The following RAB11FIP2 variants were observed in gnomAD, a reference collection of about 807,000 sequenced individuals.
The protein encoded by RAB11FIP2 is rab11 family-interacting protein 2.
A neutral mutation model predicts 40.9 loss-of-function variants in RAB11FIP2; 16 were observed. That is an observed-to-expected ratio of 0.39 (90% CI 0.26 to 0.59). The LOEUF (loss-of-function observed/expected upper bound fraction) is 0.59, where lower values mean the gene tolerates loss of function less well. Ranked by LOEUF, RAB11FIP2 falls within the 20% of genes least tolerant of loss-of-function variation. RAB11FIP2 has a pLI of 0.53. For synonymous variants in RAB11FIP2, 228 were observed against 213.7 expected (o/e 1.07, Z -0.58); for missense variants, 532 against 606.2 (o/e 0.88, Z 1.28).
chr10:118,007,535 A>G lies in RAB11FIP2; in HGVS notation c.*1463T>C, dbSNP rs1846107881. The G allele has an allele frequency of 2.0e-5, 3 of 152,102 alleles. No individual in the cohort carries two copies. In the South Asian group the frequency reaches 6.2e-4, roughly 32 times the overall value. The allele number at this position is 152,102 out of a possible 1,614,324, so 9.4% of individuals were successfully genotyped here. A position where few individuals can be genotyped will look rare whatever the true frequency, so the allele number is the denominator to read the frequency against. On this transcript the variant is annotated 3_prime_UTR_variant, in exon 5 of 5. Coordinates refer to ENST00000355624, the MANE Select transcript of RAB11FIP2 (RefSeq NM_014904.3). Reference sequence around the variant, plus strand: ...GAGATAAGTATTAGAAAAAAATGCAATTCATGGAAAGATTGGGGAATATGT... The same window carrying G: ...GAGATAAGTATTAGAAAAAAATGCAGTTCATGGAAAGATTGGGGAATATGT...
chr10:118,019,774 C>G (rs897505054), intron 3 of RAB11FIP2, among the ~76,000 whole-genome samples: 2 of 150,460 alleles, frequency 1.3e-5, no homozygotes, highest in African/African-American at 4.9e-5. Context: ...TGCAGTGAGC[C>G]GAGATCGCGC....
chr10:118,014,438 A>C (rs1358672548), intron 4 of RAB11FIP2, among the ~76,000 whole-genome samples: 1 of 152,172 alleles, frequency 6.6e-6, no homozygotes, highest in Non-Finnish European at 1.5e-5. Context: ...ATGCAATGGA[A>C]CTCTGAACAG....
intron 3 of RAB11FIP2, among the ~76,000 whole-genome samples, chr10:118,031,914 C>T (rs1297671669): frequency 6.6e-6 from 1 of 151,908 alleles, no homozygotes; most frequent in Non-Finnish European, 1.5e-5. Flanking sequence ...AATAGAAGGT[C>T]GGTCCCCAAA....
intron 3 of RAB11FIP2, among the ~76,000 whole-genome samples, chr10:118,015,708 T>C (rs369302116): frequency 1.3e-5 from 2 of 152,210 alleles, no homozygotes; most frequent in Non-Finnish European, 2.9e-5. Flanking sequence ...ATTTCTCCCA[T>C]GCAGAGAAGA....
At chr10:118,043,657 A>T (rs1347168377) in intron 1 of RAB11FIP2, 1 of 152,234 alleles carries the variant, frequency 6.6e-6, no homozygotes, top group Admixed American at 6.5e-5. Flanking sequence ...ATATGTCTTC[A>T]GTGTCAAAAT....
chr10:118,025,657 T>C (rs17097266), intron 3 of RAB11FIP2, among the ~76,000 whole-genome samples: 2,686 of 152,356 alleles, frequency 0.018, 178 homozygotes, highest in Admixed American at 0.13. Flanking sequence ...TTCTTCATTC[T>C]GGTATGCTAA....
chr10:118,010,220 C>A (rs1487823011), intron 4 of RAB11FIP2, among the ~76,000 whole-genome samples: 1 of 152,038 alleles, frequency 6.6e-6, no homozygotes, highest in Non-Finnish European at 1.5e-5. Context: ...TACAACTAAG[C>A]AATTTTTTAT....
In RAB11FIP2 at chr10:118,007,982, C is replaced by G. The variant is rs894582217; in HGVS notation, c.*1016G>C. 6.6e-6 allele frequency: 1 copy of G among 152,418 alleles called. No individual in the cohort carries two copies. Among genetic ancestry groups the G allele is most frequent in the South Asian group, 2.1e-4 (1 of 4,808 alleles). 9.4% of individuals were successfully genotyped at this position (152,418 alleles called of 1,614,324 possible). A position where few individuals can be genotyped will look rare whatever the true frequency, so the allele number is the denominator to read the frequency against. ...TAATTCTTCATTCCTGGAATCTGCC[C>G]GCTGCTTTGGGTTATCAGACACACC... On this transcript the variant is annotated 3_prime_UTR_variant, in exon 5 of 5. Transcript: ENST00000355624.
rs543678419 is a variant in RAB11FIP2, at chr10:118,039,182, T to A, written c.1055A>T (p.Glu352Val). The A allele has an allele frequency of 5.0e-6, 8 of 1,613,676 alleles. No homozygotes were observed. The highest frequency in any genetic ancestry group is 1.3e-5 in the African/African-American group (1 of 74,982). Residue 352 changes from glutamate to valine, a missense_variant, in exon 3 of 5, where the codon GAG becomes GTG. Physicochemically the swap from Glu to Val is moderately radical, Grantham distance 121. Coordinates refer to ENST00000355624, the MANE Select transcript of RAB11FIP2 (RefSeq NM_014904.3). The stretch of plus-strand genomic sequence containing the variant: ...AAACAGGCTAACTTTCTCCCTTTTC[T>A]CTCTTTTATTTTCTTTTCTTATTTC... The part of the protein sequence containing the change: ...PIEIRKENKR[E>V]KREKVSLFER...
At chr10:118,016,236 C>T (rs1846218511) in intron 3 of RAB11FIP2, among the ~76,000 whole-genome samples, 2 of 152,186 alleles carry the variant, frequency 1.3e-5, no homozygotes, top group Non-Finnish European at 2.9e-5. Context: ...CCTTTTCTAA[C>T]TAGAACTCCT....
intron 3 of RAB11FIP2, among the ~76,000 whole-genome samples, chr10:118,036,808 C>T (rs1414605405): frequency 6.6e-6 from 1 of 151,948 alleles, no homozygotes; most frequent in African/African-American, 2.4e-5. Flanking sequence ...TAAAACAGCT[C>T]TAATTTTGCT....
chr10:118,042,871 C>G (rs1240981511), intron 1 of RAB11FIP2, among the ~76,000 whole-genome samples: 1 of 152,070 alleles, frequency 6.6e-6, no homozygotes, highest in African/African-American at 2.4e-5. Context: ...CAAATATACT[C>G]ATTGAAAATG....
Position 118,030,708 on chromosome 10 carries a change from A to C in RAB11FIP2, c.1265+8264T>G, listed in dbSNP as rs182272367. Among the ~76,000 whole-genome samples, 781 of 151,966 alleles carry C rather than the reference A, an allele frequency of 5.1e-3. 15 individuals are homozygous for C. The highest frequency in any genetic ancestry group is 0.018 in the African/African-American group (743 of 41,480). On this transcript the variant is annotated intron_variant, in intron 3 of 4. Transcript: ENST00000355624. Reference sequence around the variant, plus strand: ...CTCAATCTCTCAAGAAAAAAAAAAAACCAGCAAAGTTTGTCTTTTTTGTTA... The same window carrying C: ...CTCAATCTCTCAAGAAAAAAAAAAACCCAGCAAAGTTTGTCTTTTTTGTTA...
At chr10:118,026,450 C>A (rs1357245472) in intron 3 of RAB11FIP2, among the ~76,000 whole-genome samples, 1 of 152,100 alleles carries the variant, frequency 6.6e-6, no homozygotes, top group Non-Finnish European at 1.5e-5. Context: ...AAAGAGGGCA[C>A]CTGCTCTGAC....
intron 3 of RAB11FIP2, among the ~76,000 whole-genome samples, chr10:118,016,655 T>C (rs1846223302): frequency 6.6e-6 from 1 of 152,142 alleles, no homozygotes; most frequent in Admixed American, 6.5e-5. Context: ...ACATCTCCCA[T>C]CTGACTGGGA....
chr10:118,021,724 A>G (rs906190788), intron 3 of RAB11FIP2, among the ~76,000 whole-genome samples: 1 of 152,234 alleles, frequency 6.6e-6, no homozygotes, highest in African/African-American at 2.4e-5. Context: ...ATGTGATACC[A>G]AATGGGTGCT....
intron 2 of RAB11FIP2, 98 bp from the exon 3 acceptor site, chr10:118,039,538 A>T: frequency 2.0e-6 from 2 of 1,009,692 alleles, no homozygotes; most frequent in South Asian, 3.2e-5. Context: ...GAATGAGAGC[A>T]ATTAGCCACT....
chr10:118,035,721 A>C (rs1351925611), intron 3 of RAB11FIP2, among the ~76,000 whole-genome samples: 2 of 152,148 alleles, frequency 1.3e-5, no homozygotes, highest in African/African-American at 4.8e-5. Context: ...TAGTGGGCAA[A>C]AAAAGTGAGA....
At chr10:118,026,184 A>C (rs1024435197) in intron 3 of RAB11FIP2, among the ~76,000 whole-genome samples, 1 of 152,190 alleles carries the variant, frequency 6.6e-6, no homozygotes, top group Non-Finnish European at 1.5e-5. Context: ...GGAGGCACAA[A>C]GAGTTGCCAT....
Sources: allele counts gnomAD v4.1 joint callset (sites outside exome capture counted in the v4.1 genomes callset), GRCh38; gene constraint gnomAD v4.1.1; transcripts MANE v1.5; gene names NCBI Gene and HGNC (gene_info 2026-07-23, HGNC 2026-07-21).